The following FAM184A variants were observed in gnomAD, a reference collection of about 807,000 sequenced individuals.
The protein encoded by FAM184A is protein FAM184A.
A neutral mutation model predicts 143.8 loss-of-function variants in FAM184A; 99 were observed. The ratio of observed to expected loss-of-function variants is 0.69; its 90% CI spans 0.58 to 0.81. The LOEUF is 0.81. Among genes scored for constraint, FAM184A ranks in the 40% least tolerant of loss-of-function variants. The pLI is 0.00. For missense variants in FAM184A, 1,217 were observed against 1,310.5 expected, an observed-to-expected ratio of 0.93 and a Z score of 1.10; for synonymous variants, 427 against 446.4, an observed-to-expected ratio of 0.96 and a Z score of 0.55.
intron 1 of FAM184A, among the ~76,000 whole-genome samples, chr6:119,090,845 G>A (rs1015898463): frequency 2.1e-4 from 32 of 152,246 alleles, no homozygotes; most frequent in Admixed American, 5.2e-4. Flanking sequence ...CTCTTGGTTG[G>A]CTTACCCATG....
chr6:118,990,476 C>T (rs1033268391), intron 9 of FAM184A, among the ~76,000 whole-genome samples: 1 of 152,188 alleles, frequency 6.6e-6, no homozygotes, highest in Non-Finnish European at 1.5e-5. Flanking sequence ...GAGCTTACAT[C>T]ACAGACCTGG....
chr6:119,112,099 G>A (rs1228419513), intron 1 of FAM184A, among the ~76,000 whole-genome samples: 1 of 151,840 alleles, frequency 6.6e-6, no homozygotes, highest in South Asian at 2.1e-4. Flanking sequence ...TACATAGAGT[G>A]TGGGAATGAT....
At chr6:119,008,898 G>A (rs1458059508) in intron 6 of FAM184A, among the ~76,000 whole-genome samples, 1 of 152,016 alleles carries the variant, frequency 6.6e-6, no homozygotes, top group Non-Finnish European at 1.5e-5. Flanking sequence ...TCTTTCATGG[G>A]GCTTACAAGA....
intron 5 of FAM184A, among the ~76,000 whole-genome samples, chr6:119,015,656 C>T (rs1417776379): frequency 2.6e-5 from 4 of 152,232 alleles, no homozygotes; most frequent in Non-Finnish European, 4.4e-5. Context: ...ACGAATGCTG[C>T]CCCCTGCTCC....
At chr6:119,000,264 AT>A (rs1302029364) in intron 9 of FAM184A, among the ~76,000 whole-genome samples, 1 of 152,254 alleles carries the variant, frequency 6.6e-6, no homozygotes, top group Non-Finnish European at 1.5e-5. Context: ...AAAACTCTAT[AT>A]AATCACTTTT....
In FAM184A at chr6:119,066,009, T is replaced by C. The variant is rs1787440363; in HGVS notation, c.159+12132A>G. On this transcript the variant is annotated intron_variant, in intron 1 of 17. Coordinates refer to ENST00000338891, the MANE Select transcript of FAM184A (RefSeq NM_024581.6). The stretch of plus-strand genomic sequence containing the variant: ...TTGCAGACAAGTAAGTTAAGCTTGA[T>C]AGTTTCAGTAAAATAGCAGCTTATC... 3.3e-5 allele frequency among the ~76,000 whole-genome samples: 5 copies of C among 152,176 alleles called. No individual in the cohort carries two copies. The South Asian group carries it at 1.0e-3, about 32-fold the overall frequency.
chr6:118,974,463 C>G lies in FAM184A; in HGVS notation c.2880G>C (p.Glu960Asp). Residue 960 changes from glutamate to aspartate, a missense_variant, in exon 14 of 18, where the codon GAG (glutamate) becomes GAC (aspartate). Coordinates refer to ENST00000338891, the MANE Select transcript of FAM184A (RefSeq NM_024581.6). The stretch of plus-strand genomic sequence containing the variant: ...AAGCGGCATTTATTTCCTTGAGTAG[C>G]TCGTTAGTCTTATTAAAATCTGCCC... ...IMRADFNKTNELLKEINAALQ... is the reference protein window; with the variant it reads ...IMRADFNKTNDLLKEINAALQ... The G allele has an allele frequency of 6.2e-7, 1 of 1,611,712 alleles. No individual in the cohort carries two copies. The highest frequency in any genetic ancestry group is 1.1e-5 in the South Asian group (1 of 90,696).
At chr6:119,066,029 C>T (rs191553657) in intron 1 of FAM184A, among the ~76,000 whole-genome samples, 1 of 152,288 alleles carries the variant, frequency 6.6e-6, no homozygotes, top group Non-Finnish European at 1.5e-5. Context: ...AAAATAGCAG[C>T]TTATCCATCC....
intron 1 of FAM184A, among the ~76,000 whole-genome samples, chr6:119,136,145 G>C (rs1457785196): frequency 1.3e-5 from 2 of 149,816 alleles, no homozygotes; most frequent in Non-Finnish European, 3.0e-5. Flanking sequence ...GGGCGCGGTG[G>C]CGGGCGCCTG....
rs1452483641 is a variant in FAM184A, at chr6:119,050,446, G to A, written c.160-25633C>T. ...TCAGCTTAAGTGCCCATTAATGACA[G>A]ATTGGGTTTTTTTTTTAAAAAAAGG... On this transcript the variant is annotated intron_variant, in intron 1 of 17. Transcript: ENST00000338891. Among the ~76,000 whole-genome samples, 3 of 122,574 alleles carry A rather than the reference G, an allele frequency of 2.4e-5. No individual in the cohort carries two copies. The East Asian group carries it at 7.5e-4, about 31-fold the overall frequency. The allele number at this position is 122,574 out of a possible 152,430, so 80.4% of individuals were successfully genotyped here.
intron 1 of FAM184A, among the ~76,000 whole-genome samples, chr6:119,144,874 A>G (rs1278333206): frequency 1.3e-5 from 2 of 152,128 alleles, no homozygotes; most frequent in Non-Finnish European, 2.9e-5. Flanking sequence ...TGTGTCACTG[A>G]CATACACATT....
At chr6:118,995,696 TG>T (rs1418325915) in intron 9 of FAM184A, among the ~76,000 whole-genome samples, 1 of 152,226 alleles carries the variant, frequency 6.6e-6, no homozygotes, top group Non-Finnish European at 1.5e-5. Flanking sequence ...TGTTAGGTTA[TG>T]CTTAATACTT....
Position 119,024,301 on chromosome 6 carries a change from T to A in FAM184A, c.672A>T (p.Arg224Ser). 2 of 1,614,172 alleles carry A rather than the reference T, an allele frequency of 1.2e-6. No individual in the cohort carries two copies. Among genetic ancestry groups the A allele is most frequent in the Non-Finnish European group, 1.7e-6 (2 of 1,180,028 alleles). The part of the protein sequence containing the change: ...KGQEKAEELH[R>S]MEVESLNKML... The stretch of plus-strand genomic sequence containing the variant: ...TTTTGTTTAGGGACTCCACCTCCAT[T>A]CTGTGTAGTTCCTCTGCCTTTTCCT... The change falls in exon 2 of 18, where the codon AGA becomes AGT. Residue 224 changes from arginine (R) to serine (S), a missense_variant. By Grantham distance (110) the Arg-to-Ser change is moderately radical (BLOSUM62 -1). Coordinates refer to ENST00000338891, the MANE Select transcript of FAM184A (RefSeq NM_024581.6).
chr6:119,025,214 T>A (rs572051094), intron 1 of FAM184A, among the ~76,000 whole-genome samples: 4 of 152,300 alleles, frequency 2.6e-5, no homozygotes, highest in African/African-American at 9.6e-5. Context: ...ATAGTAAGAC[T>A]CTGCCCTATA....
chr6:119,034,019 AAT>A lies in FAM184A; in HGVS notation c.160-9208_160-9207del, dbSNP rs1166841690. Among the ~76,000 whole-genome samples, 266 of 63,486 alleles carry A rather than the reference AAT, an allele frequency of 4.2e-3. 4 individuals carry two copies. In the East Asian group the frequency reaches 0.046, roughly 11 times the overall value. 41.6% of individuals were successfully genotyped at this position (63,486 alleles called of 152,430 possible). A position where few individuals can be genotyped will look rare whatever the true frequency, so the allele number is the denominator to read the frequency against. On this transcript the variant is annotated intron_variant, in intron 1 of 17. Coordinates refer to ENST00000338891, the MANE Select transcript of FAM184A (RefSeq NM_024581.6). Reference sequence around the variant, plus strand: ...AAAAAAAAAAAAAAAAAAAAAAAAAAATATATATATATATATATATATAGAGA... The same window carrying A: ...AAAAAAAAAAAAAAAAAAAAAAAAAAATATATATATATATATATATAGAGA...
At chr6:119,033,664 C>CA (rs532353203) in intron 1 of FAM184A, among the ~76,000 whole-genome samples, 5,475 of 110,144 alleles carry the variant, frequency 0.05, 230 homozygotes, top group African/African-American at 0.13. Context: ...GACTCCGTCT[C>CA]AAAAAAAAAA....
At chr6:119,076,454 A>G (rs1028545957) in intron 1 of FAM184A, among the ~76,000 whole-genome samples, 2 of 152,156 alleles carry the variant, frequency 1.3e-5, no homozygotes, top group African/African-American at 4.8e-5. Flanking sequence ...CATGGGAGAA[A>G]ACACCAGCTT....
At chr6:119,142,345 G>C (rs899167890) in intron 1 of FAM184A, among the ~76,000 whole-genome samples, 1 of 152,178 alleles carries the variant, frequency 6.6e-6, no homozygotes, top group African/African-American at 2.4e-5. Flanking sequence ...CTAGGACAAG[G>C]AGGATAACGC....
intron 1 of FAM184A, among the ~76,000 whole-genome samples, chr6:119,046,709 T>C (rs574352338): frequency 6.6e-6 from 1 of 152,332 alleles, no homozygotes; most frequent in East Asian, 1.9e-4. Flanking sequence ...AAAGGCCATA[T>C]GACACCACAG....
Sources: allele counts gnomAD v4.1 joint callset (sites outside exome capture counted in the v4.1 genomes callset), GRCh38; gene constraint gnomAD v4.1.1; transcripts MANE v1.5; gene names NCBI Gene and HGNC (gene_info 2026-07-23, HGNC 2026-07-21).